PI4KA: variants seen among roughly 807,000 people sequenced by gnomAD.
PI4KA encodes the protein PI4-kinase alpha.
A neutral mutation model predicts 271.4 loss-of-function variants in PI4KA; 122 were observed. The observed-to-expected ratio is 0.45, with a 90% CI of 0.39 to 0.52. PI4KA has a LOEUF of 0.52. Among genes scored for constraint, PI4KA ranks in the 20% least tolerant of loss-of-function variants. The pLI, the probability that PI4KA is intolerant of heterozygous loss-of-function variation, is 0.00. For missense variants in PI4KA, 1,969 were observed against 2,769.1 expected (o/e 0.71, Z 6.48); for synonymous variants, 1,041 against 1,078.8 (o/e 0.96, Z 0.69).
At chr22:20,851,545 C>G (rs1307747104) in intron 1 of PI4KA, among the ~76,000 whole-genome samples, 1 of 152,134 alleles carries the variant, frequency 6.6e-6, no homozygotes, top group Non-Finnish European at 1.5e-5. Flanking sequence ...ACCATGTTGG[C>G]CAGGCTGGTC....
chr22:20,819,383 C>T (rs183837664), intron 6 of PI4KA, among the ~76,000 whole-genome samples: 1 of 147,446 alleles, frequency 6.8e-6, no homozygotes, highest in Admixed American at 6.8e-5. Context: ...GGCGATAAGG[C>T]TTTTTTTTTA....
chr22:20,843,109 A>AT (rs1334357049), intron 1 of PI4KA, among the ~76,000 whole-genome samples: 11 of 152,038 alleles, frequency 7.2e-5, no homozygotes, highest in Non-Finnish European at 1.6e-4. Flanking sequence ...AAAAAAAAAA[A>AT]AAAAAATTAC....
chr22:20,815,916 C>T (rs1457283426), intron 7 of PI4KA, among the ~76,000 whole-genome samples: 1 of 151,664 alleles, frequency 6.6e-6, no homozygotes, highest in Admixed American at 6.6e-5. Context: ...TTGGGATTTA[C>T]GCAGGGGGTG....
At position 20,857,904 on chromosome 22, in the gene PI4KA, C is replaced by T. The variant is rs201711919; in HGVS notation, c.156+666G>A. Reference sequence around the variant, plus strand: ...TGCTCTGGCATGACTTCACCTTTCTCTTCTGAAGCAATTCCAAGTTCACTT... The same window carrying T: ...TGCTCTGGCATGACTTCACCTTTCTTTTCTGAAGCAATTCCAAGTTCACTT... On this transcript the variant is annotated intron_variant, in intron 1 of 54. Coordinates refer to ENST00000255882, the MANE Select transcript of PI4KA (RefSeq NM_058004.4). Among the ~76,000 whole-genome samples, 16 of 152,318 alleles carry T rather than the reference C, an allele frequency of 1.1e-4. No homozygotes were observed. In the East Asian group the frequency reaches 3.1e-3, roughly 29 times the overall value.
At chr22:20,767,602 A>G (rs1019298927) in intron 19 of PI4KA, among the ~76,000 whole-genome samples, 2 of 151,874 alleles carry the variant, frequency 1.3e-5, no homozygotes, top group African/African-American at 4.8e-5. Context: ...AGCAGGGAGG[A>G]CAGGTGTGCT....
At position 20,799,766 on chromosome 22, in the gene PI4KA, C is replaced by G; in HGVS notation, c.1725G>C (p.Arg575Ser). The G allele has an allele frequency of 6.5e-7, 1 of 1,547,780 alleles. No individual in the cohort carries two copies. The highest frequency in any genetic ancestry group is 1.7e-4 in the Middle Eastern group (1 of 5,978). ...LRDIAIDNIC[R>S]CLKAGLTVDP... The stretch of plus-strand genomic sequence containing the variant: ...CCACCGTCAATCCAGCCTTCAGGCA[C>G]CTGAGGAGCAAGAAAACCCATGTGG... Residue 575 changes from arginine to serine, a missense_variant and splice_region_variant, in exon 15 of 55, where the codon AGG becomes AGC. Transcript: ENST00000255882.
At chr22:20,852,339 G>A (rs559313281) in intron 1 of PI4KA, among the ~76,000 whole-genome samples, 7 of 152,260 alleles carry the variant, frequency 4.6e-5, no homozygotes, top group African/African-American at 1.7e-4. Flanking sequence ...GAGACAAACA[G>A]CTGGTGACAC....
chr22:20,857,197 G>A lies in PI4KA; in HGVS notation c.156+1373C>T, dbSNP rs192153715. ...TAGCAAAGTATCAGAGAAGGGAACTGACCTGTCTAGAGTCACACTAGTGAA... is the reference window on the plus strand; with the variant it reads ...TAGCAAAGTATCAGAGAAGGGAACTAACCTGTCTAGAGTCACACTAGTGAA... On this transcript the variant is annotated intron_variant, in intron 1 of 54. Transcript: ENST00000255882. Among the ~76,000 whole-genome samples, 5 of 152,318 alleles carry A rather than the reference G, an allele frequency of 3.3e-5. No homozygotes were observed. In the East Asian group the frequency reaches 9.6e-4, roughly 29 times the overall value.
At position 20,743,789 on chromosome 22, in the gene PI4KA, T is replaced by C. The variant is rs1046975162; in HGVS notation, c.3456+839A>G. Among the ~76,000 whole-genome samples, 12 of 152,176 alleles carry C rather than the reference T, an allele frequency of 7.9e-5. No individual in the cohort carries two copies. The South Asian group carries it at 2.5e-3, about 32-fold the overall frequency. On this transcript the variant is annotated intron_variant, in intron 30 of 54. Transcript: ENST00000255882. The stretch of plus-strand genomic sequence containing the variant: ...CATAGACTAGGCTGGGCGCGGTGGC[T>C]CACGCCTGTAATCCCAGCAGTTTGG...
In PI4KA at chr22:20,798,581, T is replaced by C. The variant is rs1432954077; in HGVS notation, c.2108+3A>G. On this transcript the variant is annotated splice_donor_region_variant and intron_variant, in intron 17 of 54. Transcript: ENST00000255882. ...TAAAAAAGTGACAATGAGGTCCAGT[T>C]ACCTATAGCCGTGGTCCTTGTAATC... is the stretch of plus-strand genomic sequence containing the variant. 1 of 1,564,774 alleles carries C rather than the reference T, an allele frequency of 6.4e-7. No individual in the cohort carries two copies. Among genetic ancestry groups the C allele is most frequent in the African/African-American group, 1.4e-5 (1 of 73,966 alleles).
At chr22:20,818,182 G>A (rs1922097838) in intron 7 of PI4KA, among the ~76,000 whole-genome samples, 1 of 152,084 alleles carries the variant, frequency 6.6e-6, no homozygotes, top group African/African-American at 2.4e-5. Context: ...ACTTTTACAA[G>A]TTAAAGTGCA....
At position 20,753,040 on chromosome 22, in the gene PI4KA, A is replaced by C; in HGVS notation, c.2863-13T>G. 6.2e-7 allele frequency: 1 copy of C among 1,614,166 alleles called. No homozygotes were observed. Among genetic ancestry groups the C allele is most frequent in the Non-Finnish European group, 8.5e-7 (1 of 1,180,022 alleles). On this transcript the variant is annotated splice_polypyrimidine_tract_variant and intron_variant, in intron 24 of 54. Transcript: ENST00000255882. Reference sequence around the variant, plus strand: ...CCTTGGTCTTGGCCTAGAGATGCAAAAGAAACAGGTACCGCAGTGCCCCAG... The same window carrying C: ...CCTTGGTCTTGGCCTAGAGATGCAACAGAAACAGGTACCGCAGTGCCCCAG...
In PI4KA at chr22:20,742,269, A is replaced by T. The variant is rs1206373576; in HGVS notation, c.3700T>A (p.Trp1234Arg). The change falls in exon 32 of 55, where the codon TGG (tryptophan) becomes AGG (arginine). Residue 1234 changes from tryptophan (W) to arginine (R), a missense_variant. Transcript: ENST00000255882. ...EHGMETALAC[W>R]EWLLAGKDGV... ...TCCTTGCCAGCCAGCAGCCACTCCC[A>T]GCAGGCCAGGGCCGTCTCCATGCCA... 1 of 1,614,196 alleles carries T rather than the reference A, an allele frequency of 6.2e-7. No individual in the cohort carries two copies. Among genetic ancestry groups the T allele is most frequent in the Non-Finnish European group, 8.5e-7 (1 of 1,180,028 alleles).
At chr22:20,747,360 AT>A (rs1248577105) in intron 29 of PI4KA, 21 of 446,314 alleles carry the variant, frequency 4.7e-5, no homozygotes, top group Middle Eastern at 5.6e-4. Flanking sequence ...AAATCCATAA[AT>A]TTAAAAAAAA....
At chr22:20,749,810 G>C in intron 28 of PI4KA, 95 bp downstream of exon 28, 3 of 748,624 alleles carry the variant, frequency 4.0e-6, no homozygotes, top group East Asian at 2.5e-5. Context: ...ATTCACACTA[G>C]TGCTATTTGG....
chr22:20,838,196 A>G (rs148144138), intron 2 of PI4KA, among the ~76,000 whole-genome samples: 96 of 152,214 alleles, frequency 6.3e-4, no homozygotes, highest in African/African-American at 2.3e-3. Context: ...GAAAAAGATG[A>G]TATTATATCA....
At position 20,716,176 on chromosome 22, in the gene PI4KA, G is replaced by A. The variant is rs372622325; in HGVS notation, c.5318-1476C>T. Among the ~76,000 whole-genome samples, 17 of 152,138 alleles carry A rather than the reference G, an allele frequency of 1.1e-4. No individual in the cohort carries two copies. In the South Asian group the frequency reaches 2.9e-3, roughly 26 times the overall value. On this transcript the variant is annotated intron_variant, in intron 45 of 54. Transcript: ENST00000255882. ...CGCCATTCTCCTGCCTCAGCCTCCC[G>A]AGTAGCTGGGACTACAGGCGCCCGC...
chr22:20,787,127 C>T, intron 19 of PI4KA: 2 of 1,417,430 alleles, frequency 1.4e-6, no homozygotes, highest in Non-Finnish European at 2.0e-6. Context: ...TCCATTCCAA[C>T]AACGAGAACA....
intron 42 of PI4KA, among the ~76,000 whole-genome samples, chr22:20,722,977 A>G (rs1926917372): frequency 6.6e-6 from 1 of 152,068 alleles, no homozygotes; most frequent in East Asian, 1.9e-4. Context: ...CATATCTGTC[A>G]GTTCCATCCT....
Sources: gnomAD v4.1 joint callset for allele counts (sites outside exome capture counted in the v4.1 genomes callset) on GRCh38, gnomAD v4.1.1 for gene constraint, MANE v1.5 for transcripts, NCBI Gene and HGNC (gene_info 2026-07-23, HGNC 2026-07-21) for gene names.